The following AOPEP variants were observed in gnomAD, a reference collection of about 807,000 sequenced individuals.
The protein encoded by AOPEP is aminopeptidase O (putative).
A neutral mutation model predicts 98.1 loss-of-function variants in AOPEP; 77 were observed. That is an observed-to-expected ratio of 0.78 (90% CI 0.65 to 0.95). The LOEUF (loss-of-function observed/expected upper bound fraction) is 0.95. AOPEP is among the 40% of genes least tolerant of loss of function. The probability of loss-of-function intolerance (pLI) is 0.00; values close to 1 mark genes in which losing one functional copy is unlikely to be tolerated. For missense variants in AOPEP, 1,024 were observed against 1,024.7 expected, an observed-to-expected ratio of 1.00 and a Z score of 0.01; for synonymous variants, 346 against 365.3, an observed-to-expected ratio of 0.95 and a Z score of 0.60.
chr9:94,951,473 A>G (rs577511960), intron 7 of AOPEP, among the ~76,000 whole-genome samples: 1 of 152,190 alleles, frequency 6.6e-6, no homozygotes, highest in Non-Finnish European at 1.5e-5. Flanking sequence ...TTTAACTTTT[A>G]AATGGGCATA....
At chr9:94,831,268 A>C (rs1588441814) in intron 5 of AOPEP, among the ~76,000 whole-genome samples, 1 of 152,224 alleles carries the variant, frequency 6.6e-6, no homozygotes, top group Admixed American at 6.5e-5. Flanking sequence ...AATTTTCTGC[A>C]TATGGGTAGC....
Position 94,913,762 on chromosome 9 carries a change from T to C in AOPEP, c.1365-10224T>C, listed in dbSNP as rs1276639698. Among the ~76,000 whole-genome samples, 6 of 152,216 alleles carry C rather than the reference T, an allele frequency of 3.9e-5. No homozygotes were observed. In the East Asian group the frequency reaches 9.6e-4, roughly 24 times the overall value. On this transcript the variant is annotated intron_variant, in intron 5 of 16. Coordinates refer to ENST00000375315, the MANE Select transcript of AOPEP (RefSeq NM_001193329.3). ...CAGCCAAGGGAGAACAATCAGTGAA[T>C]TCATTCGTTTAATTCATGAATTTTC... is the stretch of plus-strand genomic sequence containing the variant.
At chr9:94,935,488 G>T (rs1183026109) in intron 7 of AOPEP, 2 of 152,360 alleles carry the variant, frequency 1.3e-5, no homozygotes, top group Non-Finnish European at 2.9e-5. Flanking sequence ...GGTCATGCAG[G>T]GTTACTCTGG....
rs146793179 is a variant in AOPEP at position 94,929,533 on chromosome 9, G to A, written c.1661+1002G>A. Among the ~76,000 whole-genome samples the A allele has an allele frequency of 5.2e-3, 787 of 152,398 alleles. 10 individuals carry two copies. Among genetic ancestry groups the A allele is most frequent in the African/African-American group, 0.018 (756 of 41,598 alleles). Reference sequence around the variant, plus strand: ...GTTCCCTGCGCTTGCACGCTAAGGCGGACTCCCAAGTTGACTCATCCATTG... The same window carrying A: ...GTTCCCTGCGCTTGCACGCTAAGGCAGACTCCCAAGTTGACTCATCCATTG... On this transcript the variant is annotated intron_variant, in intron 7 of 16. Coordinates refer to ENST00000375315, the MANE Select transcript of AOPEP (RefSeq NM_001193329.3).
At chr9:95,038,755 C>G (rs567079853) in intron 13 of AOPEP, among the ~76,000 whole-genome samples, 1 of 152,202 alleles carries the variant, frequency 6.6e-6, no homozygotes, top group Non-Finnish European at 1.5e-5. Context: ...TGTACATCTT[C>G]TTATTGCTAG....
chr9:95,146,273 G>A, the AOPEP span, among the ~76,000 whole-genome samples: 1 of 151,938 alleles, frequency 6.6e-6, no homozygotes. Context: ...GACTCCTTGA[G>A]CCCAGGAGTT....
intron 3 of AOPEP, among the ~76,000 whole-genome samples, chr9:94,789,345 G>A (rs983708971): frequency 2.0e-5 from 3 of 152,150 alleles, no homozygotes; most frequent in Admixed American, 1.3e-4. Context: ...GCTGCCAAGG[G>A]TCTGAATTTT....
the AOPEP span, among the ~76,000 whole-genome samples, chr9:95,147,413 G>A: frequency 6.6e-6 from 1 of 152,200 alleles, no homozygotes; most frequent in East Asian, 1.9e-4. Flanking sequence ...CTACTCGGGA[G>A]GCTGAGGCAG....
At chr9:94,820,940 G>A (rs990403139) in intron 5 of AOPEP, among the ~76,000 whole-genome samples, 2 of 152,190 alleles carry the variant, frequency 1.3e-5, no homozygotes, top group Non-Finnish European at 1.5e-5. Context: ...AATAAACCAA[G>A]TGGAAGCCGT....
intron 10 of AOPEP, among the ~76,000 whole-genome samples, chr9:94,970,351 A>G (rs2059459722): frequency 6.6e-6 from 1 of 152,186 alleles, no homozygotes; most frequent in African/African-American, 2.4e-5. Flanking sequence ...GAACAATGCA[A>G]CAAACTACTG....
At chr9:94,822,702 T>C (rs780072448) in intron 5 of AOPEP, among the ~76,000 whole-genome samples, 1 of 152,172 alleles carries the variant, frequency 6.6e-6, no homozygotes, top group Non-Finnish European at 1.5e-5. Context: ...CACAACAAGC[T>C]GGAAAGATGT....
At position 94,938,714 on chromosome 9, in the gene AOPEP, A is replaced by G. The variant is rs576346345; in HGVS notation, c.1661+10183A>G. On this transcript the variant is annotated intron_variant, in intron 7 of 16. Coordinates refer to ENST00000375315, the MANE Select transcript of AOPEP (RefSeq NM_001193329.3). ...GAGCTCCTCGGATGCCAAATTGAAG[A>G]ACTCGTATGTGATCCTCTGGGTAAT... Among the ~76,000 whole-genome samples the G allele has an allele frequency of 2.6e-5, 4 of 152,326 alleles. No individual in the cohort carries two copies. The South Asian group carries it at 8.3e-4, about 32-fold the overall frequency.
intron 9 of AOPEP, among the ~76,000 whole-genome samples, chr9:94,967,195 C>G (rs1000501847): frequency 1.3e-5 from 2 of 152,106 alleles, no homozygotes; most frequent in African/African-American, 2.4e-5. Flanking sequence ...CTAAACATCT[C>G]AAATGTCCAG....
chr9:95,021,173 C>T (rs533157541), intron 13 of AOPEP, among the ~76,000 whole-genome samples: 88 of 152,240 alleles, frequency 5.8e-4, no homozygotes, highest in African/African-American at 1.9e-3. Context: ...GATCAAACTA[C>T]CCTCATTCCC....
At chr9:94,839,302 T>C (rs1258648981) in intron 5 of AOPEP, among the ~76,000 whole-genome samples, 1 of 151,984 alleles carries the variant, frequency 6.6e-6, no homozygotes, top group Non-Finnish European at 1.5e-5. Context: ...GTTAGCCAGG[T>C]TGGTCTCGAT....
At chr9:95,075,350 A>G (rs565156786) in intron 14 of AOPEP, among the ~76,000 whole-genome samples, 37 of 152,358 alleles carry the variant, frequency 2.4e-4, no homozygotes, top group African/African-American at 7.0e-4. Flanking sequence ...TTAAACATCA[A>G]TGAAGAGAAC....
chr9:94,999,103 C>G (rs1161863260), intron 11 of AOPEP, among the ~76,000 whole-genome samples: 1 of 151,774 alleles, frequency 6.6e-6, no homozygotes, highest in Admixed American at 6.6e-5. Flanking sequence ...TTTCCCAGAT[C>G]CTCCCTTCTC....
rs1038240281 is a variant in AOPEP at position 94,908,389 on chromosome 9, G to A, written c.1365-15597G>A. Among the ~76,000 whole-genome samples, 6 of 152,088 alleles carry A rather than the reference G, an allele frequency of 3.9e-5. No homozygotes were observed. In the South Asian group the frequency reaches 8.3e-4, roughly 21 times the overall value. On this transcript the variant is annotated intron_variant, in intron 5 of 16. Transcript: ENST00000375315. ...TTGTTGGCCCCTCACCAATAAAAGC[G>A]GAATGTTCACTTTACACTATCTCCT...
intron 5 of AOPEP, among the ~76,000 whole-genome samples, chr9:94,828,893 G>A (rs1333463063): frequency 6.7e-6 from 1 of 148,194 alleles, no homozygotes; most frequent in African/African-American, 2.5e-5. Flanking sequence ...TTTTGAGATG[G>A]AGGCTTGCTC....
Sources: allele counts gnomAD v4.1 joint callset (sites outside exome capture counted in the v4.1 genomes callset), GRCh38; gene constraint gnomAD v4.1.1; transcripts MANE v1.5; gene names NCBI Gene and HGNC (gene_info 2026-07-23, HGNC 2026-07-21).